Variants in MKLN1 observed in about 807,000 individuals in gnomAD.
The protein encoded by MKLN1 is muskelin.
Under a neutral mutation model 99.0 loss-of-function variants are expected in MKLN1, and 18 were observed. The ratio of observed to expected loss-of-function variants is 0.18; its 90% confidence interval spans 0.13 to 0.27. The LOEUF (loss-of-function observed/expected upper bound fraction) is 0.27, where lower values mean the gene tolerates loss of function less well. Ranked by LOEUF, MKLN1 falls within the 10% of genes least tolerant of loss-of-function variation. The pLI is 1.00. For missense variants in MKLN1, 621 were observed against 875.9 expected (o/e 0.71, Z 3.67); for synonymous variants, 288 against 293.2 (o/e 0.98, Z 0.18).
chr7:131,492,138 A>G lies in MKLN1; in HGVS notation c.*4410A>G, dbSNP rs1202614539. The G allele has an allele frequency of 2.0e-5, 3 of 152,206 alleles. No individual in the cohort carries two copies. The highest frequency in any genetic ancestry group is 1.5e-5 in the Non-Finnish European group (1 of 68,036). The allele number at this position is 152,206 out of a possible 1,614,324, so 9.4% of individuals were successfully genotyped here. A position where few individuals can be genotyped will look rare whatever the true frequency, so the allele number is the denominator to read the frequency against. On this transcript the variant is annotated 3_prime_UTR_variant, in exon 18 of 18. Transcript: ENST00000352689. ...CATTAGGATCTCTTGTCATAGAACT[A>G]TTGGTAAAGTACAGGTTTGATAGCA...
At chr7:131,230,971 G>A (rs2398746) in intron 3 of MKLN1, among the ~76,000 whole-genome samples, 125,328 of 151,542 alleles carry the variant, frequency 0.83, 51,919 homozygotes, top group East Asian at 0.97. Flanking sequence ...AAATACAGAA[G>A]TTAGCTGGGC....
At chr7:131,423,747 T>G (rs1795272157) in intron 8 of MKLN1, among the ~76,000 whole-genome samples, 2 of 152,258 alleles carry the variant, frequency 1.3e-5, no homozygotes, top group Non-Finnish European at 2.9e-5. Context: ...ACAAATTTAT[T>G]CATATGGCTG....
chr7:131,303,750 T>G (rs1171575141), intron 3 of MKLN1, among the ~76,000 whole-genome samples: 2 of 152,202 alleles, frequency 1.3e-5, no homozygotes, highest in Non-Finnish European at 2.9e-5. Flanking sequence ...TTATGAAAAT[T>G]AATTGAGATA....
chr7:131,300,402 TG>T (rs954314170), intron 3 of MKLN1, among the ~76,000 whole-genome samples: 2 of 150,860 alleles, frequency 1.3e-5, no homozygotes, highest in African/African-American at 4.9e-5. Flanking sequence ...AATGTGGGGC[TG>T]GGGGTGGTGG....
At chr7:131,273,769 G>A (rs114983371) in intron 3 of MKLN1, among the ~76,000 whole-genome samples, 5,119 of 151,818 alleles carry the variant, frequency 0.034, 192 homozygotes, top group African/African-American at 0.089. Flanking sequence ...GAGCTACAGC[G>A]TGTGCCACCA....
At chr7:131,143,509 C>G (rs1584788693) in intron 2 of MKLN1, among the ~76,000 whole-genome samples, 1 of 151,916 alleles carries the variant, frequency 6.6e-6, no homozygotes, top group African/African-American at 2.4e-5. Context: ...TTGATATTTT[C>G]TAAAGTGACT....
chr7:131,449,939 G>A (rs1563354988), intron 12 of MKLN1, among the ~76,000 whole-genome samples: 1 of 152,184 alleles, frequency 6.6e-6, no homozygotes, highest in Non-Finnish European at 1.5e-5. Flanking sequence ...TAGGAGTAGA[G>A]ATGGGTTAAC....
chr7:131,469,240 G>A (rs1307629104), intron 15 of MKLN1, among the ~76,000 whole-genome samples: 3 of 152,036 alleles, frequency 2.0e-5, no homozygotes, highest in Admixed American at 6.5e-5. Context: ...CCGGCCAGAC[G>A]GACGGACGGA....
chr7:131,120,705 T>A (rs1412431092), intron 1 of MKLN1, among the ~76,000 whole-genome samples: 5 of 152,140 alleles, frequency 3.3e-5, no homozygotes. Context: ...TCACTCCAGT[T>A]CCCAATAAAT....
chr7:131,362,982 A>G (rs1326362992), intron 1 of MKLN1, among the ~76,000 whole-genome samples: 4 of 151,942 alleles, frequency 2.6e-5, no homozygotes, highest in Admixed American at 6.6e-5. Flanking sequence ...CTATTTTCTT[A>G]ATTTCATTTA....
At chr7:131,139,238 A>C in intron 1 of MKLN1, among the ~76,000 whole-genome samples, 1 of 152,138 alleles carries the variant, frequency 6.6e-6, no homozygotes, top group East Asian at 1.9e-4. Flanking sequence ...GATTCAGGGT[A>C]ACAGAGAGCC....
chr7:131,124,349 G>A lies in MKLN1; in HGVS notation c.-419+14142G>A, dbSNP rs375905361. ...AAACCTGGGGGCTGAACACCTGGCCGAGAACATTTGGCTGAAAATAAAAGC... is the reference window on the plus strand; with the variant it reads ...AAACCTGGGGGCTGAACACCTGGCCAAGAACATTTGGCTGAAAATAAAAGC... On this transcript the variant is annotated intron_variant, in intron 1 of 7. Coordinates refer to the MKLN1 transcript ENST00000416992. 1.3e-5 allele frequency among the ~76,000 whole-genome samples: 2 copies of A among 152,200 alleles called. 1 individual carries two copies. The highest frequency in any genetic ancestry group is 4.8e-5 in the African/African-American group (2 of 41,446).
At position 131,345,868 on chromosome 7, in the gene MKLN1, T is replaced by C. The variant is rs1271170301; in HGVS notation, c.98+17871T>C. Among the ~76,000 whole-genome samples the C allele has an allele frequency of 2.0e-5, 3 of 152,338 alleles. No individual in the cohort carries two copies. The East Asian group carries it at 5.8e-4, about 29-fold the overall frequency. ...ACCTTTACTGTATATTTAATCATCA[T>C]CTGTCAAAGTTTTTAATATATTGTT... is the stretch of plus-strand genomic sequence containing the variant. On this transcript the variant is annotated intron_variant, in intron 1 of 17. Coordinates refer to ENST00000352689, the MANE Select transcript of MKLN1 (RefSeq NM_013255.5).
chr7:131,159,227 T>C (rs775446006), intron 2 of MKLN1, among the ~76,000 whole-genome samples: 1 of 152,062 alleles, frequency 6.6e-6, no homozygotes, highest in Non-Finnish European at 1.5e-5. Context: ...ACTAATGCTA[T>C]GGACAGAAAT....
At chr7:131,191,717 C>CT (rs566378729) in intron 2 of MKLN1, among the ~76,000 whole-genome samples, 30,644 of 137,804 alleles carry the variant, frequency 0.22, 3,587 homozygotes, top group Admixed American at 0.25. Context: ...CTTTTTTTTC[C>CT]TTTTTTTTTT....
chr7:131,447,888 G>A (rs2116531101), intron 12 of MKLN1, among the ~76,000 whole-genome samples: 1 of 152,280 alleles, frequency 6.6e-6, no homozygotes, highest in South Asian at 2.1e-4. Flanking sequence ...AAGTTTGAGT[G>A]CAAGGAAGGT....
intron 1 of MKLN1, among the ~76,000 whole-genome samples, chr7:131,374,042 G>A (rs1216748583): frequency 6.6e-6 from 1 of 152,084 alleles, no homozygotes; most frequent in African/African-American, 2.4e-5. Flanking sequence ...AGACTCATGG[G>A]TATTTTACCA....
chr7:131,485,831 A>G (rs1050009062), intron 17 of MKLN1, among the ~76,000 whole-genome samples: 1 of 152,094 alleles, frequency 6.6e-6, no homozygotes, highest in African/African-American at 2.4e-5. Flanking sequence ...CAAACTCAGG[A>G]GACTTGGAAA....
At chr7:131,446,048 AC>A in intron 12 of MKLN1, 145 bp downstream of exon 12, 1 of 480,610 alleles carries the variant, frequency 2.1e-6, no homozygotes, top group Non-Finnish European at 3.5e-6. Context: ...AGAAAATTCT[AC>A]CAGCTTATTC....
Sources: allele counts gnomAD v4.1 joint callset (sites outside exome capture counted in the v4.1 genomes callset), GRCh38; gene constraint gnomAD v4.1.1; transcripts MANE v1.5; gene names NCBI Gene and HGNC (gene_info 2026-07-23, HGNC 2026-07-21).